MAML2: variants seen among roughly 807,000 people sequenced by gnomAD.
The protein encoded by MAML2 is mastermind-like protein 2.
Under a neutral mutation model 96.1 loss-of-function variants are expected in MAML2, and 22 were observed. The ratio of observed to expected loss-of-function variants is 0.23; its 90% CI spans 0.16 to 0.33. The LOEUF is 0.33. MAML2 is among the 10% of genes least tolerant of loss of function. MAML2 has a pLI of 1.00. For missense variants in MAML2, 1,367 were observed against 1,392.4 expected, an observed-to-expected ratio of 0.98 and a Z score of 0.29; for synonymous variants, 561 against 521.3, an observed-to-expected ratio of 1.08 and a Z score of -1.04.
At chr11:96,199,785 A>C (rs1324760159) in intron 1 of MAML2, among the ~76,000 whole-genome samples, 1 of 152,254 alleles carries the variant, frequency 6.6e-6, no homozygotes, top group Non-Finnish European at 1.5e-5. Flanking sequence ...AATATGCATC[A>C]GAGGAAAACA....
chr11:96,266,706 C>T lies in MAML2; in HGVS notation c.513+74677G>A, dbSNP rs75204533. ...CACAAAGGTAGAATCTAATTATGAA[C>T]TGACATATTAAGACCTAGGTGCTTA... On this transcript the variant is annotated intron_variant, in intron 1 of 4. Coordinates refer to ENST00000524717, the MANE Select transcript of MAML2 (RefSeq NM_032427.4). Among the ~76,000 whole-genome samples, 1,490 of 152,270 alleles carry T rather than the reference C, an allele frequency of 9.8e-3. 18 individuals carry two copies. The highest frequency in any genetic ancestry group is 0.034 in the African/African-American group (1,394 of 41,544).
chr11:96,273,216 G>A (rs1377281811), intron 1 of MAML2, among the ~76,000 whole-genome samples: 1 of 152,216 alleles, frequency 6.6e-6, no homozygotes, highest in Non-Finnish European at 1.5e-5. Flanking sequence ...TCTGAATTCT[G>A]TACTGTTTAT....
chr11:96,247,679 G>A (rs561425463), intron 1 of MAML2, among the ~76,000 whole-genome samples: 1 of 152,068 alleles, frequency 6.6e-6, no homozygotes, highest in African/African-American at 2.4e-5. Flanking sequence ...TGGGCCAATG[G>A]TGCTATACCC....
chr11:96,005,775 A>T (rs1192804826), intron 2 of MAML2, among the ~76,000 whole-genome samples: 1 of 152,218 alleles, frequency 6.6e-6, no homozygotes, highest in Admixed American at 6.5e-5. Context: ...TAATTCTAAC[A>T]AAAGATTCAT....
Position 96,305,653 on chromosome 11 carries a change from ATCTG to A in MAML2, c.513+35726_513+35729del, listed in dbSNP as rs1863452890. Reference sequence around the variant, plus strand: ...TTCTCTGATTCCCAAATGTCTAGATATCTGTAAGTTACTATTCAAGTCATCTAAT... The same window carrying A: ...TTCTCTGATTCCCAAATGTCTAGATATAAGTTACTATTCAAGTCATCTAAT... On this transcript the variant is annotated intron_variant, in intron 1 of 4. Transcript: ENST00000524717. Among the ~76,000 whole-genome samples, 7 of 152,354 alleles carry A rather than the reference ATCTG, an allele frequency of 4.6e-5. No homozygotes were observed. In the South Asian group the frequency reaches 1.4e-3, roughly 32 times the overall value.
At chr11:96,316,773 G>A in intron 1 of MAML2, among the ~76,000 whole-genome samples, 1 of 152,180 alleles carries the variant, frequency 6.6e-6, no homozygotes, top group Non-Finnish European at 1.5e-5. Context: ...TTTTGTTGCT[G>A]TACTCAGTAT....
intron 1 of MAML2, among the ~76,000 whole-genome samples, chr11:96,233,321 T>C (rs144622861): frequency 5.0e-4 from 76 of 151,538 alleles, no homozygotes; most frequent in African/African-American, 1.6e-3. Context: ...CACAGATAGA[T>C]AAAAGTATTA....
chr11:96,174,433 G>A (rs1051526171), intron 1 of MAML2, among the ~76,000 whole-genome samples: 1 of 151,998 alleles, frequency 6.6e-6, no homozygotes, highest in Non-Finnish European at 1.5e-5. Context: ...TCCCGGGCTC[G>A]AGTGCAATGG....
At chr11:96,132,882 T>C (rs2135857662) in intron 1 of MAML2, among the ~76,000 whole-genome samples, 1 of 152,370 alleles carries the variant, frequency 6.6e-6, no homozygotes, top group Non-Finnish European at 1.5e-5. Context: ...AGTTTGGCAA[T>C]GTGAGCTATT....
At position 96,149,284 on chromosome 11, in the gene MAML2, G is replaced by A. The variant is rs566370323; in HGVS notation, c.514-55767C>T. Reference sequence around the variant, plus strand: ...AAAAGAAAGTTAGCTGGGCATGGTAGCATACGCCTGTAATCTCAGCTACTC... The same window carrying A: ...AAAAGAAAGTTAGCTGGGCATGGTAACATACGCCTGTAATCTCAGCTACTC... On this transcript the variant is annotated intron_variant, in intron 1 of 4. Transcript: ENST00000524717. 9.2e-5 allele frequency among the ~76,000 whole-genome samples: 14 copies of A among 151,798 alleles called. No homozygotes were observed. In the East Asian group the frequency reaches 2.7e-3, roughly 30 times the overall value.
At chr11:96,052,889 G>T (rs769018560) in intron 2 of MAML2, among the ~76,000 whole-genome samples, 6 of 152,206 alleles carry the variant, frequency 3.9e-5, no homozygotes, top group Non-Finnish European at 7.3e-5. Context: ...AGCCAGAAAC[G>T]ATCTAAGGCA....
intron 1 of MAML2, among the ~76,000 whole-genome samples, chr11:96,205,440 G>A (rs1050618092): frequency 6.6e-6 from 1 of 152,128 alleles, no homozygotes; most frequent in African/African-American, 2.4e-5. Flanking sequence ...ACTGCACTTG[G>A]GGTACAAATA....
intron 1 of MAML2, among the ~76,000 whole-genome samples, chr11:96,335,996 A>G (rs751269222): frequency 1.1e-4 from 17 of 152,128 alleles, no homozygotes; most frequent in Admixed American, 2.0e-4. Flanking sequence ...ACTACCAACT[A>G]CTAGTGGTAC....
At chr11:96,282,291 A>G (rs970986202) in intron 1 of MAML2, among the ~76,000 whole-genome samples, 2 of 151,898 alleles carry the variant, frequency 1.3e-5, no homozygotes, top group Admixed American at 6.6e-5. Flanking sequence ...GACTGCATGT[A>G]TGTACTTGGC....
intron 2 of MAML2, among the ~76,000 whole-genome samples, 163 bp downstream of exon 2, chr11:96,091,729 C>T (rs1191417588): frequency 1.3e-5 from 2 of 152,118 alleles, no homozygotes; most frequent in Non-Finnish European, 2.9e-5. Flanking sequence ...CTCTAGATGC[C>T]CTCAACGAAC....
chr11:96,263,260 C>T (rs914991983), intron 1 of MAML2, among the ~76,000 whole-genome samples: 2 of 152,172 alleles, frequency 1.3e-5, no homozygotes, highest in African/African-American at 2.4e-5. Context: ...GAATACACTG[C>T]CTGTCATTGT....
At chr11:95,995,672 T>C (rs534649) in intron 2 of MAML2, among the ~76,000 whole-genome samples, 4,625 of 152,288 alleles carry the variant, frequency 0.03, 165 homozygotes, top group African/African-American at 0.088. Flanking sequence ...TAAGTGTACC[T>C]GGACTACAGA....
At chr11:96,206,097 A>C (rs1264936182) in intron 1 of MAML2, among the ~76,000 whole-genome samples, 6 of 151,874 alleles carry the variant, frequency 4.0e-5, no homozygotes, top group Non-Finnish European at 2.9e-5. Context: ...ATTATTGAGA[A>C]GGTTAAGCAA....
intron 1 of MAML2, among the ~76,000 whole-genome samples, chr11:96,238,615 C>T (rs561493166): frequency 5.9e-5 from 9 of 152,278 alleles, no homozygotes; most frequent in East Asian, 1.9e-4. Context: ...TAGCTATTAT[C>T]GCTGCAGACA....
Sources: gnomAD v4.1 joint callset for allele counts (sites outside exome capture counted in the v4.1 genomes callset) on GRCh38, gnomAD v4.1.1 for gene constraint, MANE v1.5 for transcripts, NCBI Gene and HGNC (gene_info 2026-07-23, HGNC 2026-07-21) for gene names.